The following ARHGEF4 variants were observed in gnomAD, a reference collection of about 807,000 sequenced individuals.
ARHGEF4 encodes the protein APC-stimulated guanine nucleotide exchange factor 1.
In ARHGEF4, 119 loss-of-function variants were observed where a neutral mutation model predicts 162.0. The ratio of observed to expected loss-of-function variants is 0.73; its 90% CI spans 0.63 to 0.86. ARHGEF4 has a LOEUF of 0.86. ARHGEF4 is among the 40% of genes least tolerant of loss of function. The probability of loss-of-function intolerance (pLI) is 0.00; values close to 1 mark genes in which losing one functional copy is unlikely to be tolerated. For synonymous variants in ARHGEF4, 1,014 were observed against 979.9 expected (o/e 1.03, Z -0.65); for missense variants, 2,488 against 2,456.0 (o/e 1.01, Z -0.28).
At chr2:130,965,714 G>A (rs542051215) in intron 4 of ARHGEF4, among the ~76,000 whole-genome samples, 16 of 152,164 alleles carry the variant, frequency 1.1e-4, no homozygotes, top group African/African-American at 2.9e-4. Flanking sequence ...GGGTAAGTGC[G>A]CCAGTGAGAC....
chr2:130,941,230 G>A (rs911349614), intron 3 of ARHGEF4, among the ~76,000 whole-genome samples: 12 of 141,382 alleles, frequency 8.5e-5, no homozygotes, highest in East Asian at 8.1e-4. Context: ...TTTTTGAGAT[G>A]GAGTCTTGCT....
At chr2:130,924,744 G>C (rs925480627) in intron 2 of ARHGEF4, among the ~76,000 whole-genome samples, 7 of 152,156 alleles carry the variant, frequency 4.6e-5, no homozygotes, top group African/African-American at 1.7e-4. Context: ...CCGAGAGAGA[G>C]CAGGACAGAA....
At chr2:130,935,821 C>T (rs1194450227) in intron 3 of ARHGEF4, among the ~76,000 whole-genome samples, 1 of 152,194 alleles carries the variant, frequency 6.6e-6, no homozygotes, top group East Asian at 1.9e-4. Context: ...AATCCCAGCA[C>T]TTTGGGAGGC....
chr2:130,868,775 G>A (rs745455033), intron 1 of ARHGEF4, among the ~76,000 whole-genome samples: 37 of 152,178 alleles, frequency 2.4e-4, no homozygotes, highest in South Asian at 8.3e-4. Flanking sequence ...CTGAAGGACC[G>A]AAGCCCAAAG....
At chr2:130,853,105 G>T (rs73960349) in intron 1 of ARHGEF4, among the ~76,000 whole-genome samples, 5,602 of 152,276 alleles carry the variant, frequency 0.037, 355 homozygotes, top group African/African-American at 0.13. Flanking sequence ...TTTCTCAAAT[G>T]TCCTGCTTGG....
At chr2:131,004,445 G>A (rs938055357) in intron 4 of ARHGEF4, among the ~76,000 whole-genome samples, 7 of 152,166 alleles carry the variant, frequency 4.6e-5, no homozygotes, top group East Asian at 1.9e-4. Flanking sequence ...GATTACAGGC[G>A]TGAGCCACCG....
At chr2:131,012,420 A>G (rs1688514503) in intron 4 of ARHGEF4, among the ~76,000 whole-genome samples, 1 of 152,160 alleles carries the variant, frequency 6.6e-6, no homozygotes, top group East Asian at 1.9e-4. Context: ...AAATGTGCAA[A>G]TACCCAAAAG....
In ARHGEF4 at chr2:130,839,584, C is replaced by T. The variant is rs373364220; in HGVS notation, c.39+2592C>T. 4.9e-4 allele frequency among the ~76,000 whole-genome samples: 74 copies of T among 152,314 alleles called. 1 individual carries two copies. The East Asian group carries it at 0.011, about 22-fold the overall frequency. ...TCGTGTGGCAGAGTCCCTCCCCGTGCAGGCAGACCAGTCGGAGAGCCTGCA... is the reference window on the plus strand; with the variant it reads ...TCGTGTGGCAGAGTCCCTCCCCGTGTAGGCAGACCAGTCGGAGAGCCTGCA... On this transcript the variant is annotated intron_variant, in intron 1 of 13. Transcript: ENST00000409359.
chr2:130,984,487 T>G (rs1686338567), intron 4 of ARHGEF4, among the ~76,000 whole-genome samples: 1 of 151,988 alleles, frequency 6.6e-6, no homozygotes, highest in Non-Finnish European at 1.5e-5. Context: ...GGTCAGGAGT[T>G]CAAGACCAGC....
chr2:130,883,201 G>A (rs1466271543), intron 1 of ARHGEF4, among the ~76,000 whole-genome samples: 2 of 152,042 alleles, frequency 1.3e-5, no homozygotes, highest in Non-Finnish European at 2.9e-5. Context: ...GAACTGACTG[G>A]GTGGACCCAC....
chr2:130,954,890 CTCTT>C (rs913462260), intron 4 of ARHGEF4, among the ~76,000 whole-genome samples: 8 of 152,038 alleles, frequency 5.3e-5, no homozygotes, highest in African/African-American at 1.7e-4. Flanking sequence ...CTTTTTCTCT[CTCTT>C]TCTGATATTC....
chr2:130,928,590 A>G (rs552017131), intron 2 of ARHGEF4, among the ~76,000 whole-genome samples: 2 of 152,152 alleles, frequency 1.3e-5, no homozygotes, highest in Non-Finnish European at 2.9e-5. Context: ...TGAGGGTCAC[A>G]CTTACAAACT....
Position 130,976,768 on chromosome 2 carries a change from T to A in ARHGEF4, c.3985+30133T>A, listed in dbSNP as rs148414506. 4.0e-4 allele frequency among the ~76,000 whole-genome samples: 61 copies of A among 152,290 alleles called. 1 individual carries two copies. The East Asian group carries it at 9.8e-3, about 25-fold the overall frequency. On this transcript the variant is annotated intron_variant, in intron 4 of 13. Transcript: ENST00000409359. ...GCTGGCTCCCGCAGAAGAGGGCCCA[T>A]CAGAAAGCCAAGCACAGCCTCGCCT... is the stretch of plus-strand genomic sequence containing the variant.
intron 4 of ARHGEF4, among the ~76,000 whole-genome samples, chr2:130,977,844 T>A (rs1032966597): frequency 6.6e-6 from 1 of 152,126 alleles, no homozygotes; most frequent in Non-Finnish European, 1.5e-5. Context: ...AGCCAATCAC[T>A]GAGACAACAA....
At chr2:130,877,103 T>A (rs1470084408) in intron 1 of ARHGEF4, among the ~76,000 whole-genome samples, 3 of 152,090 alleles carry the variant, frequency 2.0e-5, no homozygotes, top group Admixed American at 2.0e-4. Flanking sequence ...TCCAACCCGC[T>A]CTCCGTGCAT....
rs912116186 is a variant in ARHGEF4 at position 130,916,803 on chromosome 2, C to T, written c.2857C>T (p.Arg953Trp). 8 of 1,550,302 alleles carry T rather than the reference C, an allele frequency of 5.2e-6. No homozygotes were observed. The highest frequency in any genetic ancestry group is 3.6e-5 in the South Asian group (3 of 84,048). ...EKSRLRQGSWRAFLKSKDAGS... is the reference protein window; with the variant it reads ...EKSRLRQGSWWAFLKSKDAGS... Reference sequence around the variant, plus strand: ...GAGCAGGCTGCGCCAGGGTTCCTGGCGGGCGTTTCTGAAAAGCAAAGATGC... The same window carrying T: ...GAGCAGGCTGCGCCAGGGTTCCTGGTGGGCGTTTCTGAAAAGCAAAGATGC... The change falls in exon 2 of 14, where the codon CGG becomes TGG. Residue 953 changes from arginine (R) to tryptophan (W), a missense_variant. Coordinates refer to ENST00000409359, the MANE Select transcript of ARHGEF4 (RefSeq NM_001367493.1).
chr2:131,013,489 C>T (rs566683609), intron 4 of ARHGEF4, among the ~76,000 whole-genome samples: 3 of 152,294 alleles, frequency 2.0e-5, no homozygotes, highest in South Asian at 2.1e-4. Flanking sequence ...TAAGCTCAAA[C>T]GTTAGAGTTT....
Position 131,030,115 on chromosome 2 carries a change from C to T in ARHGEF4, c.4125+2031C>T, listed in dbSNP as rs181097169. On this transcript the variant is annotated intron_variant, in intron 5 of 13. Coordinates refer to ENST00000409359, the MANE Select transcript of ARHGEF4 (RefSeq NM_001367493.1). ...ATCCCAACCAAAGCCCTCAGGACTCCGGAGAGGTGGGGGTTCCATGGCTGG... is the reference window on the plus strand; with the variant it reads ...ATCCCAACCAAAGCCCTCAGGACTCTGGAGAGGTGGGGGTTCCATGGCTGG... Among the ~76,000 whole-genome samples the T allele has an allele frequency of 3.3e-5, 5 of 152,324 alleles. No homozygotes were observed. In the East Asian group the frequency reaches 5.8e-4, roughly 18 times the overall value.
intron 8 of ARHGEF4, among the ~76,000 whole-genome samples, chr2:131,040,755 G>T (rs1259136381): frequency 6.6e-6 from 1 of 152,200 alleles, no homozygotes; most frequent in East Asian, 1.9e-4. Flanking sequence ...GTGAGCTCTG[G>T]GGTTTCTCAC....
Sources: gnomAD v4.1 joint callset for allele counts (sites outside exome capture counted in the v4.1 genomes callset) on GRCh38, gnomAD v4.1.1 for gene constraint, MANE v1.5 for transcripts, NCBI Gene and HGNC (gene_info 2026-07-23, HGNC 2026-07-21) for gene names.